BCL11A: variants seen among roughly 807,000 people sequenced by gnomAD.
BCL11A encodes BCL11 transcription factor A.
In BCL11A, 2 loss-of-function variants were observed where a neutral mutation model predicts 55.9. That is an observed-to-expected ratio of 0.04 (90% confidence interval 0.01 to 0.11). The LOEUF is 0.11. Among genes scored for constraint, BCL11A ranks in the 10% least tolerant of loss-of-function variants. The pLI is 1.00. For missense variants in BCL11A, 817 were observed against 1,137.1 expected, an observed-to-expected ratio of 0.72 and a Z score of 4.05; for synonymous variants, 465 against 473.4, an observed-to-expected ratio of 0.98 and a Z score of 0.23.
chr2:60,507,949 T>C (rs1679739909), intron 2 of BCL11A, among the ~76,000 whole-genome samples: 1 of 152,138 alleles, frequency 6.6e-6, no homozygotes, highest in African/African-American at 2.4e-5. Flanking sequence ...AAAAGACATA[T>C]TACACACGCA....
intron 2 of BCL11A, among the ~76,000 whole-genome samples, chr2:60,469,428 C>T (rs1677077491): frequency 6.6e-6 from 1 of 152,146 alleles, no homozygotes; most frequent in Non-Finnish European, 1.5e-5. Flanking sequence ...CTGAGCTGGG[C>T]CATACTCTAG....
chr2:60,550,528 GAATGGCTC>G (rs1214681324), intron 1 of BCL11A, among the ~76,000 whole-genome samples: 1 of 149,840 alleles, frequency 6.7e-6, no homozygotes, highest in Non-Finnish European at 1.5e-5. Flanking sequence ...CCTAGCGACC[GAATGGCTC>G]ATTCAGCCCA....
In BCL11A at chr2:60,460,893, G is replaced by C. The variant is rs115953983; in HGVS notation, c.2019C>G (p.Phe673Leu). 2 of 1,613,272 alleles carry C rather than the reference G, an allele frequency of 1.2e-6. No homozygotes were observed. The highest frequency in any genetic ancestry group is 2.7e-5 in the African/African-American group (2 of 75,084). Residue 673 changes from phenylalanine to leucine, a missense_variant, in exon 4 of 4, where the codon TTC (phenylalanine) becomes TTG (leucine). Physicochemically the swap from Phe to Leu is conservative, Grantham distance 22. Coordinates refer to ENST00000642384, the MANE Select transcript of BCL11A (RefSeq NM_022893.4). ...YAASRQLKDP[F>L]LSFGDSRQSP... ...ATTGTCTGGAGTCTCCGAAGCTAAG[G>C]AAGGGATCTTTGAGCTGCCTGGAGG...
intron 2 of BCL11A, among the ~76,000 whole-genome samples, chr2:60,473,154 GTA>G (rs1006970292): frequency 3.3e-5 from 5 of 151,910 alleles, no homozygotes; most frequent in East Asian, 1.9e-4. Flanking sequence ...TCATGTGTGT[GTA>G]TATGTGAGTG....
downstream of BCL11A, chr2:60,453,127 A>C (rs1675796488): frequency 6.6e-6 from 1 of 152,558 alleles, no homozygotes; most frequent in Non-Finnish European, 1.5e-5. Flanking sequence ...GAAAACATGA[A>C]ATGTCATCAA....
At position 60,496,540 on chromosome 2, in the gene BCL11A, C is replaced by T. The variant is rs374214576; in HGVS notation, c.386-27707G>A. On this transcript the variant is annotated intron_variant, in intron 2 of 3. Transcript: ENST00000642384. ...GGGAAGAGAGGAGGATAACACCTAT[C>T]TTCCACTTTGCTGCAGGTTCAAGGC... 3 of 152,438 alleles carry T rather than the reference C, an allele frequency of 2.0e-5. No individual in the cohort carries two copies. In the East Asian group the frequency reaches 5.8e-4, roughly 29 times the overall value. 9.4% of individuals were successfully genotyped at this position (152,438 alleles called of 1,614,324 possible).
At chr2:60,492,003 C>T (rs889075480) in intron 2 of BCL11A, among the ~76,000 whole-genome samples, 2 of 152,178 alleles carry the variant, frequency 1.3e-5, no homozygotes. Flanking sequence ...AAAACAAAAA[C>T]CCTCACTTTA....
chr2:60,472,757 A>T (rs922303962), intron 2 of BCL11A, among the ~76,000 whole-genome samples: 2 of 152,208 alleles, frequency 1.3e-5, no homozygotes, highest in Non-Finnish European at 2.9e-5. Flanking sequence ...GACTATTAAC[A>T]TGCTATTTGT....
At chr2:60,530,329 A>AT (rs1236300266) in intron 2 of BCL11A, among the ~76,000 whole-genome samples, 1 of 88,004 alleles carries the variant, frequency 1.1e-5, no homozygotes, top group South Asian at 6.1e-4. Context: ...AACTTCAGCC[A>AT]TTTAAAAAAA....
intron 1 of BCL11A, among the ~76,000 whole-genome samples, chr2:60,548,702 G>A (rs1670261418): frequency 6.6e-6 from 1 of 152,178 alleles, no homozygotes; most frequent in South Asian, 2.1e-4. Context: ...TATGAAATAC[G>A]TTTAACATCG....
chr2:60,537,274 A>G (rs1289909256), intron 2 of BCL11A: 1 of 152,226 alleles, frequency 6.6e-6, no homozygotes, highest in Middle Eastern at 3.2e-3. Flanking sequence ...TCAGTTTTAA[A>G]TGTAAAGGAA....
At chr2:60,507,677 G>T (rs1318485825) in intron 2 of BCL11A, among the ~76,000 whole-genome samples, 1 of 152,026 alleles carries the variant, frequency 6.6e-6, no homozygotes, top group African/African-American at 2.4e-5. Context: ...GTCGGCTACT[G>T]CTTCTAAGTC....
intron 2 of BCL11A, among the ~76,000 whole-genome samples, chr2:60,530,834 C>A (rs982989885): frequency 1.3e-5 from 2 of 152,176 alleles, no homozygotes; most frequent in Non-Finnish European, 2.9e-5. Context: ...CCCACTACCC[C>A]TCCTGAGTCT....
At position 60,458,664 on chromosome 2, in the gene BCL11A, C is replaced by A; in HGVS notation, c.*1740G>T. The A allele has an allele frequency of 9.7e-7, 1 of 1,029,224 alleles. No individual in the cohort carries two copies. The highest frequency in any genetic ancestry group is 6.2e-5 in the East Asian group (1 of 16,232). The allele number at this position is 1,029,224 out of a possible 1,614,324, so 63.8% of individuals were successfully genotyped here. A position where few individuals can be genotyped will look rare whatever the true frequency, so the allele number is the denominator to read the frequency against. On this transcript the variant is annotated 3_prime_UTR_variant, in exon 4 of 4. Transcript: ENST00000642384. ...GAGATTGTGTTCAATTTTTTTTCAG[C>A]ATTCTTGCAACTTTTCCCTTAAGTA...
Position 60,481,194 on chromosome 2 carries a change from C to T in BCL11A, c.386-12361G>A, listed in dbSNP as rs530914649. On this transcript the variant is annotated intron_variant, in intron 2 of 3. Coordinates refer to ENST00000642384, the MANE Select transcript of BCL11A (RefSeq NM_022893.4). ...AGATTGAGGCTTCCCAGCCCCAAAACTGGGAAGGGCCCTGGAATGGGATAT... is the reference window on the plus strand; with the variant it reads ...AGATTGAGGCTTCCCAGCCCCAAAATTGGGAAGGGCCCTGGAATGGGATAT... 3.9e-5 allele frequency among the ~76,000 whole-genome samples: 6 copies of T among 152,224 alleles called. No individual in the cohort carries two copies. The South Asian group carries it at 1.2e-3, about 32-fold the overall frequency.
Position 60,548,311 on chromosome 2 carries a change from T to C in BCL11A, c.56-2011A>G, listed in dbSNP as rs534146708. 4.0e-5 allele frequency among the ~76,000 whole-genome samples: 6 copies of C among 151,820 alleles called. No homozygotes were observed. In the East Asian group the frequency reaches 1.2e-3, roughly 29 times the overall value. On this transcript the variant is annotated intron_variant, in intron 1 of 3. Coordinates refer to ENST00000642384, the MANE Select transcript of BCL11A (RefSeq NM_022893.4). ...AACCTTTGCAAAAAAAAAAATTTTT[T>C]ATTTCCACCGTTAAGATTCTTTTTT...
At chr2:60,492,539 A>G (rs939673108) in intron 2 of BCL11A, among the ~76,000 whole-genome samples, 1 of 152,002 alleles carries the variant, frequency 6.6e-6, no homozygotes, top group African/African-American at 2.4e-5. Flanking sequence ...CCTTCCTCAC[A>G]TACTCACCAG....
intron 2 of BCL11A, among the ~76,000 whole-genome samples, chr2:60,500,182 G>A (rs1403085111): frequency 6.6e-6 from 1 of 152,250 alleles, no homozygotes; most frequent in Non-Finnish European, 1.5e-5. Flanking sequence ...CTGTGCCCTG[G>A]ATGGAAAACC....
At position 60,477,604 on chromosome 2, in the gene BCL11A, T is replaced by TAAAGAAAG. The variant is rs60443237; in HGVS notation, c.386-8779_386-8772dup. The stretch of plus-strand genomic sequence containing the variant: ...ATCCCAGAACTTAGAGTAAAATAAA[T>TAAAGAAAG]AAAGAAAGAAAGAAAGAAAGAAATA... On this transcript the variant is annotated intron_variant, in intron 2 of 3. Coordinates refer to ENST00000642384, the MANE Select transcript of BCL11A (RefSeq NM_022893.4). Among the ~76,000 whole-genome samples, 12 of 150,630 alleles carry TAAAGAAAG rather than the reference T, an allele frequency of 8.0e-5. 1 individual carries two copies. The South Asian group carries it at 2.1e-3, about 26-fold the overall frequency.
Sources: allele counts gnomAD v4.1 joint callset (sites outside exome capture counted in the v4.1 genomes callset), GRCh38; gene constraint gnomAD v4.1.1; transcripts MANE v1.5; gene names NCBI Gene and HGNC (gene_info 2026-07-23, HGNC 2026-07-21).